The following DOK5 variants were observed in gnomAD, a reference collection of about 807,000 sequenced individuals.
DOK5 encodes the protein downstream of tyrosine kinase 5.
DOK5 carries 27 observed loss-of-function variants against 43.3 expected under a neutral mutation model. That is an observed-to-expected ratio of 0.62 (90% CI 0.46 to 0.86). The LOEUF (loss-of-function observed/expected upper bound fraction) is 0.86. DOK5 is among the 40% of genes least tolerant of loss of function. DOK5 has a pLI of 0.00. For missense variants in DOK5, 373 were observed against 392.9 expected (o/e 0.95, Z 0.43); for synonymous variants, 146 against 140.1 (o/e 1.04, Z -0.30).
chr20:54,551,409 G>A (rs1000214429), intron 1 of DOK5, among the ~76,000 whole-genome samples: 2 of 152,118 alleles, frequency 1.3e-5, no homozygotes, highest in Admixed American at 1.3e-4. Context: ...TTTTGATGAG[G>A]TCCAGTTTTT....
At chr20:54,565,320 A>G (rs1362651551) in intron 2 of DOK5, among the ~76,000 whole-genome samples, 1 of 152,258 alleles carries the variant, frequency 6.6e-6, no homozygotes, top group African/African-American at 2.4e-5. Flanking sequence ...TAAAAGTTAT[A>G]TGAATGTGGC....
intron 2 of DOK5, among the ~76,000 whole-genome samples, chr20:54,565,631 A>T (rs1480179904): frequency 6.6e-6 from 1 of 152,204 alleles, no homozygotes; most frequent in African/African-American, 2.4e-5. Flanking sequence ...AACATAATCT[A>T]CATGTATATT....
At chr20:54,580,526 G>C (rs977888555) in intron 2 of DOK5, among the ~76,000 whole-genome samples, 3 of 151,976 alleles carry the variant, frequency 2.0e-5, no homozygotes, top group African/African-American at 7.2e-5. Context: ...TTTTAGGTCT[G>C]TGGGGTTGTT....
intron 1 of DOK5, among the ~76,000 whole-genome samples, chr20:54,534,369 T>G (rs1230523120): frequency 6.6e-6 from 1 of 152,106 alleles, no homozygotes; most frequent in Non-Finnish European, 1.5e-5. Context: ...TGTGTTTTAT[T>G]GTAGAGATGG....
intron 1 of DOK5, among the ~76,000 whole-genome samples, chr20:54,518,182 G>T (rs1983265912): frequency 6.6e-6 from 1 of 151,924 alleles, no homozygotes; most frequent in Non-Finnish European, 1.5e-5. Context: ...ATGCAAGTTT[G>T]TTACATATAT....
intron 5 of DOK5, among the ~76,000 whole-genome samples, chr20:54,607,145 T>C (rs1200086353): frequency 6.6e-6 from 1 of 152,222 alleles, no homozygotes; most frequent in Non-Finnish European, 1.5e-5. Flanking sequence ...TGTGACCTAC[T>C]GTCAGCTATC....
At chr20:54,596,091 A>G (rs1376626116) in intron 5 of DOK5, among the ~76,000 whole-genome samples, 1 of 152,200 alleles carries the variant, frequency 6.6e-6, no homozygotes, top group Non-Finnish European at 1.5e-5. Flanking sequence ...ACTATTTTAT[A>G]TTTTGCTTGA....
At chr20:54,497,475 T>A (rs985895795) in intron 1 of DOK5, among the ~76,000 whole-genome samples, 1 of 151,944 alleles carries the variant, frequency 6.6e-6, no homozygotes, top group African/African-American at 2.4e-5. Context: ...AATGGAGGAG[T>A]GGAAGGTTAA....
At chr20:54,520,872 AG>A (rs1362726178) in intron 1 of DOK5, among the ~76,000 whole-genome samples, 3 of 152,180 alleles carry the variant, frequency 2.0e-5, no homozygotes, top group African/African-American at 7.2e-5. Flanking sequence ...TGGCCTCTGA[AG>A]TTTCCCATGA....
chr20:54,481,889 G>C (rs1478124270), intron 1 of DOK5, among the ~76,000 whole-genome samples: 1 of 152,176 alleles, frequency 6.6e-6, no homozygotes, highest in East Asian at 1.9e-4. Context: ...TGATCATAAA[G>C]AGCTTAACAC....
chr20:54,475,787 G>C lies in DOK5; in HGVS notation c.-160G>C. The stretch of plus-strand genomic sequence containing the variant: ...TGTCAGGGTTGGGGGGACAGAGAAA[G>C]TGATGTGCGCCTTCTAAAGCCTCGC... On this transcript the variant is annotated 5_prime_UTR_variant, in exon 1 of 8. Coordinates refer to ENST00000262593, the MANE Select transcript of DOK5 (RefSeq NM_018431.5). The surrounding 1 kb of genome is among the most constrained non-coding windows in gnomAD (Gnocchi z 4.2). 1 of 826,614 alleles carries C rather than the reference G, an allele frequency of 1.2e-6. No individual in the cohort carries two copies. Among genetic ancestry groups the C allele is most frequent in the East Asian group, 2.7e-5 (1 of 37,264 alleles). 51.2% of individuals were successfully genotyped at this position (826,614 alleles called of 1,614,324 possible).
At chr20:54,619,023 TTATA>T (rs11468808) in intron 6 of DOK5, among the ~76,000 whole-genome samples, 1,148 of 42,722 alleles carry the variant, frequency 0.027, 18 homozygotes, top group South Asian at 0.056. Flanking sequence ...TTTCAATAAA[TTATA>T]TATATATATA....
chr20:54,483,012 T>C (rs972458740), intron 1 of DOK5, among the ~76,000 whole-genome samples: 1 of 152,240 alleles, frequency 6.6e-6, no homozygotes, highest in Admixed American at 6.5e-5. Context: ...TGGCTTCATT[T>C]GAATCAGCTT....
chr20:54,555,048 T>A lies in DOK5; in HGVS notation c.174+8T>A. On this transcript the variant is annotated splice_region_variant and intron_variant, in intron 2 of 7. Coordinates refer to ENST00000262593, the MANE Select transcript of DOK5 (RefSeq NM_018431.5). ...TTCAGGTGTTATCATAAGGTAAGAC[T>A]CAATTGCTGTAGCTTTCCAGTAATC... 1 of 1,569,534 alleles carries A rather than the reference T, an allele frequency of 6.4e-7. No homozygotes were observed. Among genetic ancestry groups the A allele is most frequent in the Non-Finnish European group, 8.8e-7 (1 of 1,139,350 alleles).
chr20:54,630,233 G>A (rs1047145555), intron 6 of DOK5, among the ~76,000 whole-genome samples: 2 of 152,166 alleles, frequency 1.3e-5, no homozygotes, highest in Admixed American at 6.5e-5. Flanking sequence ...GTGAGGGAAA[G>A]TGGTGGATCC....
chr20:54,585,408 A>G (rs1406685409), intron 2 of DOK5, among the ~76,000 whole-genome samples: 2 of 152,168 alleles, frequency 1.3e-5, no homozygotes, highest in Non-Finnish European at 2.9e-5. Context: ...TCAGGTGACT[A>G]TCTCTTCCTC....
intron 7 of DOK5, among the ~76,000 whole-genome samples, chr20:54,646,515 A>C (rs1167155472): frequency 6.6e-6 from 1 of 152,108 alleles, no homozygotes; most frequent in African/African-American, 2.4e-5. Context: ...GGCCTCCCAA[A>C]GTGCTGGAAT....
chr20:54,584,409 A>T (rs538397760), intron 2 of DOK5, among the ~76,000 whole-genome samples: 8 of 151,564 alleles, frequency 5.3e-5, no homozygotes, highest in Non-Finnish European at 1.0e-4. Flanking sequence ...CTATTTTAAG[A>T]TGATAACAAC....
At chr20:54,626,687 C>T (rs1448935129) in intron 6 of DOK5, among the ~76,000 whole-genome samples, 2 of 152,140 alleles carry the variant, frequency 1.3e-5, no homozygotes, top group Non-Finnish European at 2.9e-5. Flanking sequence ...TACATAGACA[C>T]ATACACAGAT....
Sources: allele counts gnomAD v4.1 joint callset (sites outside exome capture counted in the v4.1 genomes callset), GRCh38; gene constraint gnomAD v4.1.1; non-coding constraint Gnocchi (gnomAD v3.1); transcripts MANE v1.5; gene names NCBI Gene and HGNC (gene_info 2026-07-23, HGNC 2026-07-21).